MAML3: variants seen among roughly 807,000 people sequenced by gnomAD.
MAML3 encodes mastermind-like protein 3.
In MAML3, 27 loss-of-function variants were observed where a neutral mutation model predicts 101.9. That is an observed-to-expected ratio of 0.27 (90% CI 0.20 to 0.37). The LOEUF (loss-of-function observed/expected upper bound fraction) is 0.37. Among genes scored for constraint, MAML3 ranks in the 10% least tolerant of loss-of-function variants. The pLI, the probability that MAML3 is intolerant of heterozygous loss-of-function variation, is 1.00. For missense variants in MAML3, 1,316 were observed against 1,444.9 expected, an observed-to-expected ratio of 0.91 and a Z score of 1.45; for synonymous variants, 501 against 555.9, an observed-to-expected ratio of 0.90 and a Z score of 1.39.
intron 2 of MAML3, among the ~76,000 whole-genome samples, chr4:139,731,787 A>G (rs188303209): frequency 1.3e-5 from 2 of 152,350 alleles, no homozygotes; most frequent in East Asian, 3.9e-4. Flanking sequence ...CACACAGCCC[A>G]GGTGACTACA....
At chr4:140,135,526 A>T (rs893068187) in intron 1 of MAML3, among the ~76,000 whole-genome samples, 10 of 152,374 alleles carry the variant, frequency 6.6e-5, no homozygotes, top group Admixed American at 6.5e-4. Context: ...ATTAGTGACC[A>T]AAGTAAGGAG....
intron 1 of MAML3, among the ~76,000 whole-genome samples, chr4:140,031,983 T>C (rs749710644): frequency 1.3e-5 from 2 of 152,242 alleles, no homozygotes. Flanking sequence ...TCTGTCTGCC[T>C]TGGCTGACTG....
At chr4:139,896,868 G>A (rs543770878) in intron 1 of MAML3, among the ~76,000 whole-genome samples, 3 of 152,280 alleles carry the variant, frequency 2.0e-5, no homozygotes, top group Admixed American at 1.3e-4. Context: ...GAAAGGGGCA[G>A]TGTTTTGGAG....
At chr4:140,105,135 G>A (rs1021438596) in intron 1 of MAML3, among the ~76,000 whole-genome samples, 2 of 152,094 alleles carry the variant, frequency 1.3e-5, no homozygotes, top group Non-Finnish European at 2.9e-5. Flanking sequence ...GACCCTCCAT[G>A]TTCCTCAAAG....
chr4:139,890,325 T>A lies in MAML3; in HGVS notation c.1111A>T (p.Met371Leu), dbSNP rs773416311. 6.2e-7 allele frequency: 1 copy of A among 1,611,694 alleles called. No homozygotes were observed. The highest frequency in any genetic ancestry group is 8.5e-7 in the Non-Finnish European group (1 of 1,178,580). The change falls in exon 2 of 5, where the codon ATG becomes TTG. Residue 371 changes from methionine (M) to leucine (L), a missense_variant. Transcript: ENST00000509479. This position sits in a 1 kb window ranked among gnomAD's most constrained non-coding sequence, Gnocchi z 4.1. ...GAAGGCCTCGCCTGGGGAGATCCCA[T>A]GGAGACATGTGCGAAGGGAGAGTGA... ...PSHSPFAHVS[M>L]GSPQARPSSS...
At chr4:139,810,015 A>G (rs1320390144) in intron 2 of MAML3, among the ~76,000 whole-genome samples, 1 of 152,050 alleles carries the variant, frequency 6.6e-6, no homozygotes, top group African/African-American at 2.4e-5. Flanking sequence ...GTGGGTGGAT[A>G]GTTATAAAGG....
chr4:139,838,645 C>T (rs960300808), intron 2 of MAML3, among the ~76,000 whole-genome samples: 2 of 152,060 alleles, frequency 1.3e-5, no homozygotes, highest in East Asian at 3.9e-4. Context: ...ATGCTTTTTC[C>T]ATTCTTTCTC....
chr4:139,973,475 G>T (rs899824106), intron 1 of MAML3, among the ~76,000 whole-genome samples: 1 of 152,188 alleles, frequency 6.6e-6, no homozygotes, highest in East Asian at 1.9e-4. Flanking sequence ...CGTCGTAAAG[G>T]TTAAGTGTAG....
At chr4:139,845,103 G>A (rs1224170332) in intron 2 of MAML3, among the ~76,000 whole-genome samples, 2 of 152,038 alleles carry the variant, frequency 1.3e-5, no homozygotes, top group African/African-American at 4.8e-5. Flanking sequence ...AAGCCTGATG[G>A]CTCTACAAAT....
intron 2 of MAML3, among the ~76,000 whole-genome samples, chr4:139,759,823 A>G (rs1729718585): frequency 6.6e-6 from 1 of 152,262 alleles, no homozygotes; most frequent in Non-Finnish European, 1.5e-5. Context: ...GAAGAGAAGC[A>G]AGGCAATAGC....
At position 140,153,739 on chromosome 4, in the gene MAML3, T is replaced by G; in HGVS notation, c.-412A>C. 2 of 180,510 alleles carry G rather than the reference T, an allele frequency of 1.1e-5. No individual in the cohort carries two copies. Among genetic ancestry groups the G allele is most frequent in the South Asian group, 1.3e-4 (1 of 7,796 alleles). 11.2% of individuals were successfully genotyped at this position (180,510 alleles called of 1,614,324 possible). A position where few individuals can be genotyped will look rare whatever the true frequency, so the allele number is the denominator to read the frequency against. ...GGTTGGCAAGCATTTTCTCCCTACA[T>G]ACCGAAAAACACACCCCATGTACAC... On this transcript the variant is annotated 5_prime_UTR_variant, in exon 1 of 5. The change abolishes an upstream ATG in the 5' untranslated region. Transcript: ENST00000509479.
At chr4:139,745,901 GACC>G (rs757507329) in intron 2 of MAML3, among the ~76,000 whole-genome samples, 40 of 152,310 alleles carry the variant, frequency 2.6e-4, no homozygotes, top group Non-Finnish European at 4.9e-4. Context: ...CAGGAAATGT[GACC>G]ACAACAACTT....
intron 2 of MAML3, among the ~76,000 whole-genome samples, chr4:139,739,683 T>C (rs200691782): frequency 1.4e-3 from 108 of 79,548 alleles, no homozygotes; most frequent in South Asian, 2.8e-3. Flanking sequence ...AAAGCAGTTT[T>C]TTTTTTTTTT....
chr4:140,000,878 T>C (rs1441029018), intron 1 of MAML3, among the ~76,000 whole-genome samples: 1 of 151,870 alleles, frequency 6.6e-6, no homozygotes, highest in African/African-American at 2.4e-5. Context: ...AAATAGAAAA[T>C]TAGCCAGGCT....
intron 1 of MAML3, among the ~76,000 whole-genome samples, chr4:139,917,703 AG>A (rs1733051543): frequency 6.6e-6 from 1 of 152,172 alleles, no homozygotes; most frequent in Non-Finnish European, 1.5e-5. Flanking sequence ...CAAAATAGAA[AG>A]GGCTGCCTTG....
At chr4:139,997,604 T>C (rs2110838644) in intron 1 of MAML3, among the ~76,000 whole-genome samples, 1 of 152,272 alleles carries the variant, frequency 6.6e-6, no homozygotes, top group Admixed American at 6.5e-5. Context: ...TATAATTATA[T>C]AGTCACTTAT....
chr4:140,111,814 C>T (rs753072832), intron 1 of MAML3, among the ~76,000 whole-genome samples: 2 of 152,230 alleles, frequency 1.3e-5, no homozygotes, highest in Non-Finnish European at 2.9e-5. Context: ...CCTCTTAACC[C>T]AAAGCTTCCA....
chr4:139,938,762 A>AGATATG (rs1271305039), intron 1 of MAML3, among the ~76,000 whole-genome samples: 1 of 152,250 alleles, frequency 6.6e-6, no homozygotes, highest in East Asian at 1.9e-4. Context: ...GGTGTTTTAA[A>AGATATG]GATATGGATA....
intron 1 of MAML3, among the ~76,000 whole-genome samples, chr4:140,104,408 A>ATATAATATATATATTATATATT (rs368174569): frequency 1.8e-5 from 1 of 54,982 alleles, no homozygotes; most frequent in East Asian, 3.7e-4. Context: ...TATAATATAT[A>ATATAATATATATATTATATATT]ATATAATATA....
Sources: allele counts gnomAD v4.1 joint callset (sites outside exome capture counted in the v4.1 genomes callset), GRCh38; gene constraint gnomAD v4.1.1; non-coding constraint Gnocchi (gnomAD v3.1); transcripts MANE v1.5; gene names NCBI Gene and HGNC (gene_info 2026-07-23, HGNC 2026-07-21).